Variants in KIAA1210 observed in about 807,000 individuals in gnomAD.
KIAA1210 encodes KIAA1210.
KIAA1210 carries 48 observed loss-of-function variants against 78.9 expected under a neutral mutation model. The observed-to-expected ratio is 0.61, with a 90% CI of 0.48 to 0.77. The LOEUF (loss-of-function observed/expected upper bound fraction) is 0.77, where lower values mean the gene tolerates loss of function less well. KIAA1210 is among the 30% of genes least tolerant of loss of function. KIAA1210 has a pLI of 0.00. For missense variants in KIAA1210, 1,108 were observed against 1,100.0 expected, an observed-to-expected ratio of 1.01 and a Z score of -0.10; for synonymous variants, 406 against 404.5, an observed-to-expected ratio of 1.00 and a Z score of -0.04.
At chrX:119,090,560 G>A (rs1230161650) in intron 8 of KIAA1210, among the ~76,000 whole-genome samples, 2 of 105,636 alleles carry the variant, frequency 1.9e-5, no homozygotes, top group African/African-American at 3.6e-5. Context: ...ATGAGCCACC[G>A]TGCTTGGCCA....
At chrX:119,140,754 C>T (rs969245774) in intron 2 of KIAA1210, among the ~76,000 whole-genome samples, 20 of 110,919 alleles carry the variant, frequency 1.8e-4, no homozygotes, top group Non-Finnish European at 2.4e-4. Context: ...ACATTCTTCA[C>T]GTGTGAAGTT....
chrX:119,137,706 A>G (rs1250123184), intron 2 of KIAA1210, among the ~76,000 whole-genome samples: 1 of 112,200 alleles, frequency 8.9e-6, no homozygotes, highest in Non-Finnish European at 1.9e-5. Flanking sequence ...TAAGCTCATC[A>G]GCTGTAGTTA....
chrX:119,136,289 G>A (rs1603272421), intron 2 of KIAA1210, among the ~76,000 whole-genome samples: 1 of 112,454 alleles, frequency 8.9e-6, no homozygotes, highest in Non-Finnish European at 1.9e-5. Flanking sequence ...TGAACTATCT[G>A]TGTCCTTTGT....
chrX:119,125,735 A>ATATATATTTT (rs5903546), intron 1 of KIAA1210, among the ~76,000 whole-genome samples: 8 of 15,792 alleles, frequency 5.1e-4, no homozygotes, highest in African/African-American at 2.1e-3. Flanking sequence ...ATATATATAT[A>ATATATATTTT]TTTTTTTTTT....
intron 5 of KIAA1210, among the ~76,000 whole-genome samples, chrX:119,107,045 AG>A (rs1008701704): frequency 8.9e-6 from 1 of 111,952 alleles, no homozygotes; most frequent in African/African-American, 3.3e-5. Context: ...TTGGTACTTA[AG>A]GGAAATTTCC....
intron 8 of KIAA1210, among the ~76,000 whole-genome samples, chrX:119,092,386 T>C (rs957090830): frequency 8.9e-6 from 1 of 111,976 alleles, no homozygotes; most frequent in Non-Finnish European, 1.9e-5. Context: ...TTCCATGATA[T>C]GGAAAATCAA....
Position 119,104,990 on chromosome X carries a change from A to T in KIAA1210, c.648+2T>A, listed in dbSNP as rs1249902793. ...TCAACCTGTCCCTTAATATATACTC[A>T]CCTGAGTCGCTGTCAAACTCTTATG... On this transcript the variant is annotated splice_donor_variant, in intron 6 of 11. Transcript: ENST00000691062. LOFTEE classifies it high-confidence loss of function. The T allele has an allele frequency of 8.3e-7, 1 of 1,206,798 alleles. No individual in the cohort carries two copies. The highest frequency in any genetic ancestry group is 1.1e-6 in the Non-Finnish European group (1 of 893,093).
chrX:119,109,031 A>C, intron 4 of KIAA1210, 45 bp downstream of exon 4: 1 of 1,195,627 alleles, frequency 8.4e-7, no homozygotes, highest in Non-Finnish European at 1.1e-6. Context: ...AGGGAACAGA[A>C]GAGAAGTAGT....
In KIAA1210 at chrX:119,087,790, T is replaced by A; in HGVS notation, c.2912A>T (p.Asp971Val). Reference protein sequence around the residue: ...SNFERAAIEADISGSPLPPQY... With the variant: ...SNFERAAIEAVISGSPLPPQY... Reference sequence around the variant, plus strand: ...GGGAGGCAATGGACTCCCAGAAATGTCTGCCTCAATAGCAGCCCGCTCGAA... The same window carrying A: ...GGGAGGCAATGGACTCCCAGAAATGACTGCCTCAATAGCAGCCCGCTCGAA... The change falls in exon 9 of 12, where the codon GAC becomes GTC. Residue 971 changes from aspartate to valine, a missense_variant. By Grantham distance (152) the Asp-to-Val change is radical. This residue lies in a region of KIAA1210 where 179 missense variants were observed against 174.1 expected (regional missense o/e 1.03). Coordinates refer to ENST00000691062, the MANE Select transcript of KIAA1210 (RefSeq NM_001394962.1). The A allele has an allele frequency of 8.3e-7, 1 of 1,211,865 alleles. No individual in the cohort carries two copies. The highest frequency in any genetic ancestry group is 1.1e-6 in the Non-Finnish European group (1 of 895,479).
At chrX:119,108,539 G>A in intron 4 of KIAA1210, 68 bp from the exon 5 acceptor site, 6 of 1,129,281 alleles carry the variant, frequency 5.3e-6, no homozygotes, top group Non-Finnish European at 7.1e-6. Flanking sequence ...GAATGTTGCT[G>A]CCAAAATAAT....
intron 6 of KIAA1210, 135 bp from the exon 7 acceptor site, chrX:119,096,826 T>C: frequency 2.2e-6 from 1 of 460,402 alleles, no homozygotes; most frequent in Non-Finnish European, 3.6e-6. Flanking sequence ...CTACATTTCC[T>C]GTCAATGGGC....
rs376055924 is a variant in KIAA1210, at chrX:119,096,672, G to T, written c.668C>A (p.Ser223Tyr). 5.0e-6 allele frequency: 6 copies of T among 1,202,324 alleles called. No homozygotes were observed. Among genetic ancestry groups the T allele is most frequent in the African/African-American group, 1.8e-5 (1 of 57,015 alleles). Residue 223 changes from serine to tyrosine, a missense_variant, in exon 7 of 12, where the codon TCT (serine) becomes TAT (tyrosine). Around this residue, in one of 5 missense-constraint regions of KIAA1210, gnomAD observed 672 missense variants for 607.1 expected, o/e 1.11. Transcript: ENST00000691062. ...TATQSFSELS[S>Y]GPDCSQSLTA... ...CAAGGACTGTGAGCAATCAGGTCCA[G>T]ATGATAACTCAGAGAAGCTCTGGGG...
upstream of KIAA1210, among the ~76,000 whole-genome samples, chrX:119,131,925 G>A (rs1185062737): frequency 2.7e-5 from 3 of 111,980 alleles, no homozygotes; most frequent in Middle Eastern, 4.7e-3. Context: ...AATACAAAAC[G>A]TAGCCAGGCA....
At position 119,105,057 on chromosome X, in the gene KIAA1210, C is replaced by A. The variant is rs771562643; in HGVS notation, c.583G>T (p.Asp195Tyr). 8.3e-7 allele frequency: 1 copy of A among 1,209,052 alleles called. No individual in the cohort carries two copies. Among genetic ancestry groups the A allele is most frequent in the South Asian group, 1.8e-5 (1 of 56,537 alleles). Reference protein sequence around the residue: ...ISKNLVEISLDDESPKNPQKK... With the variant: ...ISKNLVEISLYDESPKNPQKK... ...TGTGGATTCTTAGGTGACTCATCAT[C>A]GAGAGAGATTTCTACCAAGTTCTTA... Residue 195 changes from aspartate (D) to tyrosine (Y), a missense_variant, in exon 6 of 12, where the codon GAT (aspartate) becomes TAT (tyrosine). Coordinates refer to ENST00000691062, the MANE Select transcript of KIAA1210 (RefSeq NM_001394962.1).
chrX:119,084,805 G>A (rs1171047309), intron 10 of KIAA1210, among the ~76,000 whole-genome samples: 1 of 111,965 alleles, frequency 8.9e-6, no homozygotes, highest in Non-Finnish European at 1.9e-5. Context: ...AACCAATTTC[G>A]TGGAGCCTTG....
At chrX:119,110,585 C>T (rs1444605148) in intron 3 of KIAA1210, among the ~76,000 whole-genome samples, 1 of 111,465 alleles carries the variant, frequency 9.0e-6, no homozygotes, top group Non-Finnish European at 1.9e-5. Context: ...AATGAATACG[C>T]TAAAAATGAC....
At chrX:119,085,859 C>T (rs752801327) in intron 9 of KIAA1210, among the ~76,000 whole-genome samples, 1 of 112,868 alleles carries the variant, frequency 8.9e-6, no homozygotes, top group African/African-American at 3.2e-5. Context: ...ATGCCAGAGG[C>T]TCAGGCCATT....
intron 2 of KIAA1210, among the ~76,000 whole-genome samples, chrX:119,121,778 T>A (rs1393635601): frequency 1.8e-5 from 2 of 111,162 alleles, no homozygotes; most frequent in Admixed American, 9.5e-5. Context: ...TTTATTATTT[T>A]TTTTTTTTGA....
rs1479003902 is a variant in KIAA1210 at position 119,080,513 on chromosome X, T to C, written c.*816A>G. 2.7e-5 allele frequency: 3 copies of C among 111,857 alleles called. No individual in the cohort carries two copies. The highest frequency in any genetic ancestry group is 1.9e-4 in the Admixed American group (2 of 10,601). 9.2% of individuals were successfully genotyped at this position (111,857 alleles called of 1,213,427 possible). ...AAGCTTAGAGCAACAACCAAATAAT[T>C]GCGGCATCTATCTAGGCTCATAAAA... On this transcript the variant is annotated 3_prime_UTR_variant, in exon 12 of 12. Transcript: ENST00000691062.
Sources: gnomAD v4.1 joint callset for allele counts (sites outside exome capture counted in the v4.1 genomes callset) on GRCh38, gnomAD v4.1.1 for gene constraint, gnomAD v4.1.1 regional missense constraint, MANE v1.5 for transcripts, NCBI Gene and HGNC (gene_info 2026-07-23, HGNC 2026-07-21) for gene names.